The following ST8SIA1 variants were observed in gnomAD, a reference collection of about 807,000 sequenced individuals.
ST8SIA1 encodes ST8 alpha-N-acetyl-neuraminide alpha-2,8-sialyltransferase 1, also known as alpha-N-acetylneuraminide alpha-2,8-sialyltransferase.
In ST8SIA1, 16 loss-of-function variants were observed where a neutral mutation model predicts 35.9. The observed-to-expected ratio is 0.45, with a 90% CI of 0.30 to 0.68. ST8SIA1 has a LOEUF of 0.68. Ranked by LOEUF, ST8SIA1 falls within the 30% of genes least tolerant of loss-of-function variation. The pLI is 0.09. For synonymous variants in ST8SIA1, 170 were observed against 169.6 expected (o/e 1.00, Z -0.02); for missense variants, 383 against 453.6 (o/e 0.84, Z 1.41).
chr12:22,222,260 TC>T (rs1242960773), intron 4 of ST8SIA1, among the ~76,000 whole-genome samples: 4 of 152,142 alleles, frequency 2.6e-5, no homozygotes, highest in African/African-American at 9.7e-5. Flanking sequence ...CCTCAGAATC[TC>T]CAAGGGAATC....
chr12:22,295,637 T>C (rs1866234567), intron 1 of ST8SIA1, among the ~76,000 whole-genome samples: 1 of 151,866 alleles, frequency 6.6e-6, no homozygotes. Flanking sequence ...GGGAAGCTGT[T>C]TGGAGGATTG....
chr12:22,280,110 A>C (rs1409433423), intron 2 of ST8SIA1, among the ~76,000 whole-genome samples: 2 of 152,174 alleles, frequency 1.3e-5, no homozygotes, highest in Non-Finnish European at 2.9e-5. Flanking sequence ...ACCTCTCTAT[A>C]AGTTAATCAA....
chr12:22,230,894 A>G (rs1435096471), intron 4 of ST8SIA1, among the ~76,000 whole-genome samples: 1 of 151,300 alleles, frequency 6.6e-6, no homozygotes, highest in African/African-American at 2.4e-5. Flanking sequence ...GTTGTTTCTA[A>G]CCCACATTTA....
chr12:22,211,679 C>A (rs2120636287), intron 4 of ST8SIA1, among the ~76,000 whole-genome samples: 1 of 152,230 alleles, frequency 6.6e-6, no homozygotes, highest in African/African-American at 2.4e-5. Flanking sequence ...CCTATAAATG[C>A]AAAGTAAACC....
intron 1 of ST8SIA1, among the ~76,000 whole-genome samples, chr12:22,327,995 T>C (rs1192776885): frequency 1.3e-5 from 2 of 152,182 alleles, no homozygotes; most frequent in East Asian, 1.9e-4. Context: ...GGGGCAATTT[T>C]CCCCCCAGGA....
intron 3 of ST8SIA1, among the ~76,000 whole-genome samples, chr12:22,252,239 G>A (rs940921715): frequency 6.6e-6 from 1 of 152,274 alleles, no homozygotes; most frequent in East Asian, 1.9e-4. Context: ...TACAGGCAGT[G>A]CTATTTTTGG....
chr12:22,301,658 C>T (rs1044523347), intron 1 of ST8SIA1, among the ~76,000 whole-genome samples: 1 of 152,162 alleles, frequency 6.6e-6, no homozygotes, highest in African/African-American at 2.4e-5. Context: ...CTTTGACTGG[C>T]ATGGTGTGCT....
chr12:22,325,898 A>G (rs1224639596), intron 1 of ST8SIA1: 2 of 701,536 alleles, frequency 2.9e-6, no homozygotes, highest in South Asian at 3.0e-5. Context: ...ATATTAAGTG[A>G]CTCATGGGCA....
intron 2 of ST8SIA1, 59 bp from the exon 3 acceptor site, chr12:22,255,448 T>C: frequency 7.0e-7 from 1 of 1,421,048 alleles, no homozygotes; most frequent in Non-Finnish European, 1.0e-6. Context: ...GCTCACAAAA[T>C]CATTGTTTAC....
intron 2 of ST8SIA1, among the ~76,000 whole-genome samples, chr12:22,274,615 C>A (rs367727630): frequency 6.6e-6 from 1 of 152,104 alleles, no homozygotes. Context: ...TTAAAATGTA[C>A]GATCTTGTTA....
chr12:22,268,418 C>T (rs1201418421), intron 2 of ST8SIA1: 1 of 152,202 alleles, frequency 6.6e-6, no homozygotes, highest in Non-Finnish European at 1.5e-5. Flanking sequence ...AAACAAAGGG[C>T]ACATGGCCAA....
intron 1 of ST8SIA1, among the ~76,000 whole-genome samples, chr12:22,308,816 G>T (rs548888237): frequency 6.6e-6 from 1 of 151,948 alleles, no homozygotes; most frequent in Admixed American, 6.6e-5. Context: ...TGATATCCAC[G>T]GCAGTCTCAC....
At chr12:22,252,572 T>C (rs73270022) in intron 3 of ST8SIA1, among the ~76,000 whole-genome samples, 298 of 152,338 alleles carry the variant, frequency 2.0e-3, no homozygotes, top group African/African-American at 6.7e-3. Context: ...ATAGTTCTAG[T>C]TATGGTGCTA....
At chr12:22,215,037 T>G (rs1359621497) in intron 4 of ST8SIA1, among the ~76,000 whole-genome samples, 1 of 152,172 alleles carries the variant, frequency 6.6e-6, no homozygotes, top group African/African-American at 2.4e-5. Flanking sequence ...GTGAATTCAT[T>G]CCCTGGTAGT....
At chr12:22,255,686 TA>T (rs5796957) in intron 2 of ST8SIA1, among the ~76,000 whole-genome samples, 2 of 150,440 alleles carry the variant, frequency 1.3e-5, no homozygotes, top group East Asian at 1.9e-4. Flanking sequence ...TAGGGAAAAT[TA>T]AAAAAAAAAT....
intron 4 of ST8SIA1, among the ~76,000 whole-genome samples, chr12:22,207,558 T>C (rs1342706779): frequency 3.9e-5 from 6 of 152,142 alleles, no homozygotes; most frequent in African/African-American, 1.2e-4. Flanking sequence ...AGACAGGAGA[T>C]TGCTGCTTTT....
At chr12:22,274,218 TC>T (rs1865943991) in intron 2 of ST8SIA1, among the ~76,000 whole-genome samples, 1 of 152,174 alleles carries the variant, frequency 6.6e-6, no homozygotes, top group East Asian at 1.9e-4. Context: ...TTTATCTTTA[TC>T]CTAAAAATCA....
chr12:22,236,066 G>A (rs150174527), intron 4 of ST8SIA1, among the ~76,000 whole-genome samples: 1 of 152,270 alleles, frequency 6.6e-6, no homozygotes, highest in East Asian at 1.9e-4. Context: ...ATTGATTTTA[G>A]ACATTTCAGT....
chr12:22,253,101 T>C lies in ST8SIA1; in HGVS notation c.491+2179A>G, dbSNP rs1261183148. 5.3e-5 allele frequency among the ~76,000 whole-genome samples: 8 copies of C among 152,160 alleles called. No homozygotes were observed. In the East Asian group the frequency reaches 9.7e-4, roughly 18 times the overall value. On this transcript the variant is annotated intron_variant, in intron 3 of 4. Coordinates refer to ENST00000396037, the MANE Select transcript of ST8SIA1 (RefSeq NM_003034.4). ...CATACAGTCATAGATAGAGTAAGAG[T>C]TGCCACAATGGGAAGGGCCTGAGGA...
Sources: allele counts gnomAD v4.1 joint callset (sites outside exome capture counted in the v4.1 genomes callset), GRCh38; gene constraint gnomAD v4.1.1; transcripts MANE v1.5; gene names NCBI Gene and HGNC (gene_info 2026-07-23, HGNC 2026-07-21).